MLLT3: variants seen among roughly 807,000 people sequenced by gnomAD.
MLLT3 encodes protein AF-9.
MLLT3 carries 4 observed loss-of-function variants against 53.2 expected under a neutral mutation model. That is an observed-to-expected ratio of 0.08 (90% CI 0.04 to 0.17). The LOEUF is 0.17. Ranked by LOEUF, MLLT3 falls within the 10% of genes least tolerant of loss-of-function variation. MLLT3 has a pLI of 1.00. For missense variants in MLLT3, 569 were observed against 684.0 expected (o/e 0.83, Z 1.87); for synonymous variants, 283 against 230.6 (o/e 1.23, Z -2.06).
chr9:20,541,883 C>T (rs534974110), intron 2 of MLLT3, among the ~76,000 whole-genome samples: 1 of 152,196 alleles, frequency 6.6e-6, no homozygotes, highest in Non-Finnish European at 1.5e-5. Context: ...ATTTCCTCCA[C>T]TGAAGTCTTC....
chr9:20,410,090 AACCATATC>A (rs1822685500), intron 5 of MLLT3, among the ~76,000 whole-genome samples: 1 of 152,188 alleles, frequency 6.6e-6, no homozygotes, highest in Non-Finnish European at 1.5e-5. Flanking sequence ...CATGTAGCAG[AACCATATC>A]AACATCAAGA....
intron 10 of MLLT3, among the ~76,000 whole-genome samples, chr9:20,352,881 T>A (rs905898697): frequency 4.1e-4 from 62 of 152,078 alleles, no homozygotes; most frequent in African/African-American, 1.4e-3. Flanking sequence ...TAAAAAAAAT[T>A]ACCAATAGCT....
At chr9:20,532,585 G>A in intron 2 of MLLT3, 1 of 243,304 alleles carries the variant, frequency 4.1e-6, no homozygotes, top group Non-Finnish European at 7.8e-6. Flanking sequence ...GAGAAAGAAG[G>A]TGGCTCCGGC....
intron 6 of MLLT3, 104 bp downstream of exon 6, chr9:20,365,565 G>C: frequency 7.8e-7 from 1 of 1,285,074 alleles, no homozygotes; most frequent in Admixed American, 1.8e-5. Flanking sequence ...AGCTAGGATG[G>C]TCTTGATCTC....
At chr9:20,450,643 G>A (rs972731676) in intron 3 of MLLT3, among the ~76,000 whole-genome samples, 2 of 152,130 alleles carry the variant, frequency 1.3e-5, no homozygotes, top group East Asian at 3.8e-4. Flanking sequence ...CTATTGCCTA[G>A]TTAATGCAAA....
intron 2 of MLLT3, among the ~76,000 whole-genome samples, chr9:20,473,110 G>A (rs1225247510): frequency 6.6e-6 from 1 of 152,062 alleles, no homozygotes; most frequent in East Asian, 1.9e-4. Flanking sequence ...TCTTCCAGGA[G>A]ATTCCGATGC....
chr9:20,527,622 A>T (rs963713515), intron 2 of MLLT3, among the ~76,000 whole-genome samples: 9 of 152,206 alleles, frequency 5.9e-5, no homozygotes, highest in African/African-American at 2.2e-4. Flanking sequence ...TCTGTATCTC[A>T]ACAAGCAAAA....
Position 20,360,849 on chromosome 9 carries a change from G to C in MLLT3, c.1332-8C>G, listed in dbSNP as rs753580639. Reference sequence around the variant, plus strand: ...CCATCACTTAAGCTAACTCTGAAAAGAAACAGACAAGTTATGCACATCATT... The same window carrying C: ...CCATCACTTAAGCTAACTCTGAAAACAAACAGACAAGTTATGCACATCATT... On this transcript the variant is annotated splice_region_variant and splice_polypyrimidine_tract_variant and intron_variant, in intron 7 of 10. Coordinates refer to ENST00000380338, the MANE Select transcript of MLLT3 (RefSeq NM_004529.4). The C allele has an allele frequency of 1.2e-6, 2 of 1,610,268 alleles. No homozygotes were observed. Among genetic ancestry groups the C allele is most frequent in the Non-Finnish European group, 1.7e-6 (2 of 1,176,544 alleles).
intron 2 of MLLT3, among the ~76,000 whole-genome samples, chr9:20,494,333 G>T (rs956017867): frequency 6.6e-6 from 1 of 151,966 alleles, no homozygotes; most frequent in Non-Finnish European, 1.5e-5. Flanking sequence ...CAGGGGAGAA[G>T]AGGTTTATGC....
intron 2 of MLLT3, among the ~76,000 whole-genome samples, chr9:20,468,613 A>G (rs1347438458): frequency 6.6e-6 from 1 of 152,234 alleles, no homozygotes; most frequent in African/African-American, 2.4e-5. Flanking sequence ...AGAAAAATTA[A>G]TGGGGAATCA....
chr9:20,498,227 CA>C (rs529049653), intron 2 of MLLT3, among the ~76,000 whole-genome samples: 1,543 of 32,406 alleles, frequency 0.048, 210 homozygotes, highest in Non-Finnish European at 0.064. Flanking sequence ...GACGCTGTCT[CA>C]AAAAAAAAAA....
At chr9:20,348,291 C>T (rs1820928331) in intron 10 of MLLT3, among the ~76,000 whole-genome samples, 1 of 152,090 alleles carries the variant, frequency 6.6e-6, no homozygotes, top group African/African-American at 2.4e-5. Context: ...GTTTGCCTCC[C>T]CAGACCTACT....
intron 2 of MLLT3, among the ~76,000 whole-genome samples, chr9:20,476,093 C>T: frequency 6.6e-6 from 1 of 151,900 alleles, no homozygotes; most frequent in Non-Finnish European, 1.5e-5. Context: ...GATAGGGTCA[C>T]ATTCTGTCAC....
intron 4 of MLLT3, among the ~76,000 whole-genome samples, chr9:20,442,879 C>T (rs1343091544): frequency 1.3e-5 from 2 of 152,148 alleles, no homozygotes; most frequent in African/African-American, 4.8e-5. Flanking sequence ...GCATGTTCCC[C>T]ATGTCTTCTC....
chr9:20,418,288 C>T (rs975875238), intron 4 of MLLT3: 1 of 152,192 alleles, frequency 6.6e-6, no homozygotes, highest in Non-Finnish European at 1.5e-5. Context: ...ATGAATAACA[C>T]AGAGGGATGA....
intron 2 of MLLT3, among the ~76,000 whole-genome samples, chr9:20,480,499 C>T (rs1004261690): frequency 6.6e-6 from 1 of 152,178 alleles, no homozygotes; most frequent in Non-Finnish European, 1.5e-5. Context: ...CAATGAAGAA[C>T]TGACAGTTTC....
chr9:20,344,225 T>A lies in MLLT3; in HGVS notation c.*2218A>T, dbSNP rs1240265353. 5.1e-6 allele frequency: 1 copy of A among 196,686 alleles called. No individual in the cohort carries two copies. The highest frequency in any genetic ancestry group is 6.1e-5 in the Admixed American group (1 of 16,504). 12.2% of individuals were successfully genotyped at this position (196,686 alleles called of 1,614,324 possible). A position where few individuals can be genotyped will look rare whatever the true frequency, so the allele number is the denominator to read the frequency against. On this transcript the variant is annotated 3_prime_UTR_variant, in exon 11 of 11. Coordinates refer to ENST00000380338, the MANE Select transcript of MLLT3 (RefSeq NM_004529.4). ...TTGGTTAGTAACTTAAAGGAAAAAA[T>A]TTTTACATTGGCAAATCATATTTTT...
intron 2 of MLLT3, among the ~76,000 whole-genome samples, chr9:20,536,535 C>A (rs1818490526): frequency 6.6e-6 from 1 of 152,136 alleles, no homozygotes; most frequent in South Asian, 2.1e-4. Flanking sequence ...TGCTATATGC[C>A]TACTGTTCTC....
chr9:20,381,947 C>G (rs543001303), intron 5 of MLLT3, among the ~76,000 whole-genome samples: 1 of 151,678 alleles, frequency 6.6e-6, no homozygotes, highest in Non-Finnish European at 1.5e-5. Context: ...TTATTTAATA[C>G]GATAATCATG....
Sources: allele counts gnomAD v4.1 joint callset (sites outside exome capture counted in the v4.1 genomes callset), GRCh38; gene constraint gnomAD v4.1.1; transcripts MANE v1.5; gene names NCBI Gene and HGNC (gene_info 2026-07-23, HGNC 2026-07-21).